Variants in GRM8 observed in about 807,000 individuals in gnomAD.
GRM8 encodes glutamate metabotropic receptor 8, also known as metabotropic glutamate receptor 8.
In GRM8, 47 loss-of-function variants were observed where a neutral mutation model predicts 87.2. The ratio of observed to expected loss-of-function variants is 0.54; its 90% CI spans 0.43 to 0.69. The LOEUF (loss-of-function observed/expected upper bound fraction) is 0.69. Among genes scored for constraint, GRM8 ranks in the 30% least tolerant of loss-of-function variants. GRM8 has a pLI of 0.00. For synonymous variants in GRM8, 396 were observed against 404.5 expected, an observed-to-expected ratio of 0.98 and a Z score of 0.25; for missense variants, 1,019 against 1,139.2, an observed-to-expected ratio of 0.89 and a Z score of 1.52.
At chr7:126,667,116 T>A (rs1448624613) in intron 7 of GRM8, among the ~76,000 whole-genome samples, 1 of 152,170 alleles carries the variant, frequency 6.6e-6, no homozygotes, top group African/African-American at 2.4e-5. Context: ...TCAGACACTG[T>A]CCTAGGAACT....
intron 7 of GRM8, among the ~76,000 whole-genome samples, chr7:126,755,063 G>C (rs1173750619): frequency 6.6e-6 from 1 of 151,902 alleles, no homozygotes; most frequent in Non-Finnish European, 1.5e-5. Context: ...GGTTCACATA[G>C]TGCAAAACTG....
At chr7:126,604,305 A>G (rs1278445242) in intron 8 of GRM8, among the ~76,000 whole-genome samples, 2 of 152,146 alleles carry the variant, frequency 1.3e-5, no homozygotes, top group Admixed American at 1.3e-4. Context: ...CAAAACAAAT[A>G]CTTTGGGCTT....
intron 6 of GRM8, among the ~76,000 whole-genome samples, chr7:126,883,585 C>A (rs1432814705): frequency 6.6e-6 from 1 of 151,984 alleles, no homozygotes; most frequent in Non-Finnish European, 1.5e-5. Flanking sequence ...TTTTATGTAT[C>A]AAGAATAATC....
chr7:127,188,248 A>G (rs1794838301), intron 2 of GRM8, among the ~76,000 whole-genome samples: 6 of 152,258 alleles, frequency 3.9e-5, no homozygotes, highest in Admixed American at 3.9e-4. Context: ...ACATGGCCCA[A>G]GTCATATAAC....
intron 2 of GRM8, among the ~76,000 whole-genome samples, chr7:127,230,911 C>T (rs1205744488): frequency 3.9e-5 from 6 of 152,202 alleles, no homozygotes; most frequent in Non-Finnish European, 8.8e-5. Flanking sequence ...TGGCTGATAA[C>T]TGCAGCTTCC....
At chr7:127,166,075 A>G (rs933240206) in intron 2 of GRM8, among the ~76,000 whole-genome samples, 12 of 152,210 alleles carry the variant, frequency 7.9e-5, no homozygotes, top group African/African-American at 2.7e-4. Context: ...AAGAATTTCT[A>G]CTAATGAAAA....
chr7:126,912,146 G>A (rs1357848491), intron 3 of GRM8, among the ~76,000 whole-genome samples: 5 of 152,158 alleles, frequency 3.3e-5, no homozygotes, highest in East Asian at 1.9e-4. Context: ...GCAGTGAGCC[G>A]AGATCCCGCC....
At chr7:126,899,139 G>T (rs2131169466) in intron 6 of GRM8, among the ~76,000 whole-genome samples, 1 of 151,960 alleles carries the variant, frequency 6.6e-6, no homozygotes, top group African/African-American at 2.4e-5. Flanking sequence ...GTGTGTATGA[G>T]TCCATCCATT....
intron 7 of GRM8, among the ~76,000 whole-genome samples, chr7:126,680,055 T>C (rs1356649654): frequency 7.0e-6 from 1 of 142,034 alleles, no homozygotes; most frequent in Admixed American, 7.0e-5. Context: ...AAAAAAAAGA[T>C]GAAGATGGAA....
intron 3 of GRM8, among the ~76,000 whole-genome samples, chr7:126,957,940 C>A (rs758833540): frequency 2.0e-5 from 3 of 152,166 alleles, no homozygotes; most frequent in Non-Finnish European, 2.9e-5. Context: ...TCCATGGCCA[C>A]CCATGGACCA....
At chr7:126,541,614 G>C (rs768575241) in intron 8 of GRM8, among the ~76,000 whole-genome samples, 1 of 152,226 alleles carries the variant, frequency 6.6e-6, no homozygotes, top group East Asian at 1.9e-4. Flanking sequence ...AGTCAATCAC[G>C]CTGAGGCTGT....
At chr7:127,114,373 A>G (rs560282712) in intron 2 of GRM8, among the ~76,000 whole-genome samples, 3 of 152,240 alleles carry the variant, frequency 2.0e-5, no homozygotes, top group Admixed American at 2.0e-4. Context: ...ATTTTTATCT[A>G]TCTCCCCAAC....
At chr7:126,935,866 A>C (rs1363639549) in intron 3 of GRM8, among the ~76,000 whole-genome samples, 1 of 152,146 alleles carries the variant, frequency 6.6e-6, no homozygotes, top group African/African-American at 2.4e-5. Context: ...ATCCTAAATA[A>C]ACCTTGTTCC....
At chr7:126,515,040 C>T (rs1343105781) in intron 9 of GRM8, among the ~76,000 whole-genome samples, 3 of 152,022 alleles carry the variant, frequency 2.0e-5, no homozygotes, top group Non-Finnish European at 4.4e-5. Flanking sequence ...ATATTTATCA[C>T]ACGAGTATCT....
chr7:126,622,514 T>C (rs67698678), intron 7 of GRM8, among the ~76,000 whole-genome samples: 48,617 of 151,866 alleles, frequency 0.32, 8,415 homozygotes, highest in East Asian at 0.43. Flanking sequence ...CGCCTACCTG[T>C]ATCCACACTC....
At chr7:126,598,650 T>C (rs1048446728) in intron 8 of GRM8, among the ~76,000 whole-genome samples, 6 of 150,954 alleles carry the variant, frequency 4.0e-5, no homozygotes, top group Non-Finnish European at 8.9e-5. Context: ...AGAGAATCTA[T>C]CAGAAAATTA....
At chr7:127,039,298 A>G (rs1265173748) in intron 3 of GRM8, among the ~76,000 whole-genome samples, 1 of 152,126 alleles carries the variant, frequency 6.6e-6, no homozygotes, top group Non-Finnish European at 1.5e-5. Flanking sequence ...GTGTTCTTAT[A>G]AGAACAGGAA....
At chr7:126,727,944 A>T (rs931306792) in intron 7 of GRM8, among the ~76,000 whole-genome samples, 1 of 152,172 alleles carries the variant, frequency 6.6e-6, no homozygotes, top group Non-Finnish European at 1.5e-5. Flanking sequence ...TTAATATAAG[A>T]TTACATTATT....
chr7:126,503,313 T>C (rs1809920288), intron 9 of GRM8, among the ~76,000 whole-genome samples: 1 of 152,086 alleles, frequency 6.6e-6, no homozygotes, highest in Admixed American at 6.6e-5. Flanking sequence ...GTTGTATCTC[T>C]GGAAAAGCCT....
Sources: gnomAD v4.1 joint callset for allele counts (sites outside exome capture counted in the v4.1 genomes callset) on GRCh38, gnomAD v4.1.1 for gene constraint, MANE v1.5 for transcripts, NCBI Gene and HGNC (gene_info 2026-07-23, HGNC 2026-07-21) for gene names.